Variants in TRAF3IP1 observed in about 807,000 individuals in gnomAD.
TRAF3IP1 encodes the protein intraflagellar transport 54.
A neutral mutation model predicts 89.9 loss-of-function variants in TRAF3IP1; 53 were observed. The ratio of observed to expected loss-of-function variants is 0.59; its 90% CI spans 0.47 to 0.74. The LOEUF is 0.74. Among genes scored for constraint, TRAF3IP1 ranks in the 30% least tolerant of loss-of-function variants. The probability of loss-of-function intolerance (pLI) is 0.00; values close to 1 mark genes in which losing one functional copy is unlikely to be tolerated. For missense variants in TRAF3IP1, 806 were observed against 866.1 expected (o/e 0.93, Z 0.87); for synonymous variants, 311 against 322.1 (o/e 0.97, Z 0.37).
rs572127910 is a variant in TRAF3IP1, at chr2:238,370,150, G to A, written c.1689+14070G>A. The stretch of plus-strand genomic sequence containing the variant: ...GTGAACAGAGCTAGAGGGGGAAAAT[G>A]TATGTGTCTGTGTTTGTTATATATG... On this transcript the variant is annotated intron_variant, in intron 15 of 16. Transcript: ENST00000373327. Among the ~76,000 whole-genome samples the A allele has an allele frequency of 9.9e-5, 15 of 152,236 alleles. No homozygotes were observed. The South Asian group carries it at 2.5e-3, about 25-fold the overall frequency.
intron 15 of TRAF3IP1, among the ~76,000 whole-genome samples, chr2:238,364,506 T>C (rs773838283): frequency 6.6e-6 from 1 of 152,054 alleles, no homozygotes; most frequent in Non-Finnish European, 1.5e-5. Flanking sequence ...GGTTTATATA[T>C]GAGGATGCTT....
intron 15 of TRAF3IP1, among the ~76,000 whole-genome samples, chr2:238,364,673 TTTTTC>T (rs1158253536): frequency 1.3e-5 from 2 of 152,162 alleles, no homozygotes; most frequent in African/African-American, 4.8e-5. Flanking sequence ...TTTTAGATGC[TTTTTC>T]TTTTCATTTA....
intron 12 of TRAF3IP1, 91 bp from the exon 13 acceptor site, chr2:238,352,736 A>AT: frequency 7.7e-7 from 1 of 1,294,432 alleles, no homozygotes; most frequent in Non-Finnish European, 1.1e-6. Context: ...TGGTGATTAG[A>AT]TTCCTCTCTG....
rs139162155 is a variant in TRAF3IP1, at chr2:238,334,708, C to T, written c.1063+673C>T. ...GGCAAGATGTAGTAGTGGGAATTTT[C>T]GCCTTAGAAAGGAGGCTTAGATGGT... On this transcript the variant is annotated intron_variant, in intron 7 of 16. Transcript: ENST00000373327. Among the ~76,000 whole-genome samples, 776 of 152,330 alleles carry T rather than the reference C, an allele frequency of 5.1e-3. 4 individuals are homozygous for T. The highest frequency in any genetic ancestry group is 0.014 in the Middle Eastern group (4 of 294).
At chr2:238,329,973 A>T (rs531756231) in intron 5 of TRAF3IP1, among the ~76,000 whole-genome samples, 23 of 152,206 alleles carry the variant, frequency 1.5e-4, no homozygotes, top group Non-Finnish European at 2.9e-4. Flanking sequence ...AGAGAAATCA[A>T]CGTTTTTCAG....
chr2:238,324,816 A>C (rs976545748), intron 1 of TRAF3IP1, among the ~76,000 whole-genome samples: 6 of 151,612 alleles, frequency 4.0e-5, no homozygotes, highest in East Asian at 2.0e-4. Flanking sequence ...GTTGGCCAGG[A>C]TGGTCTCGAT....
chr2:238,389,883 C>CA (rs1700924488), intron 15 of TRAF3IP1, among the ~76,000 whole-genome samples: 1 of 151,962 alleles, frequency 6.6e-6, no homozygotes, highest in African/African-American at 2.4e-5. Context: ...ATTTAAAAAT[C>CA]ACTAGAAGTG....
chr2:238,399,268 A>G lies in TRAF3IP1; in HGVS notation c.*349A>G. 6.0e-6 allele frequency: 1 copy of G among 167,498 alleles called. No individual in the cohort carries two copies. Among genetic ancestry groups the G allele is most frequent in the Admixed American group, 5.9e-5 (1 of 16,832 alleles). 10.4% of individuals were successfully genotyped at this position (167,498 alleles called of 1,614,324 possible). On this transcript the variant is annotated 3_prime_UTR_variant, in exon 17 of 17. Coordinates refer to ENST00000373327, the MANE Select transcript of TRAF3IP1 (RefSeq NM_015650.4). ...AGTGGTGTGGGCATACCAAGGGAACAGTAGTCCTTTATTTTGGTTTAGTGG... is the reference window on the plus strand; with the variant it reads ...AGTGGTGTGGGCATACCAAGGGAACGGTAGTCCTTTATTTTGGTTTAGTGG...
At chr2:238,389,119 A>G (rs1700894083) in intron 15 of TRAF3IP1, among the ~76,000 whole-genome samples, 1 of 152,290 alleles carries the variant, frequency 6.6e-6, no homozygotes, top group African/African-American at 2.4e-5. Flanking sequence ...GTGGCTGAGC[A>G]GTCACATCCA....
At chr2:238,347,367 T>A in intron 9 of TRAF3IP1, 88 bp from the exon 10 acceptor site, 1 of 1,376,740 alleles carries the variant, frequency 7.3e-7, no homozygotes, top group Non-Finnish European at 1.0e-6. Flanking sequence ...TTATGTACAG[T>A]GTGTTTTTTC....
At chr2:238,375,504 G>C (rs554897602) in intron 15 of TRAF3IP1, among the ~76,000 whole-genome samples, 2 of 152,104 alleles carry the variant, frequency 1.3e-5, no homozygotes, top group South Asian at 4.1e-4. Flanking sequence ...ACAGCTTGTC[G>C]TGATTTCTGT....
intron 5 of TRAF3IP1, among the ~76,000 whole-genome samples, chr2:238,329,752 G>A (rs1698028801): frequency 6.6e-6 from 1 of 152,176 alleles, no homozygotes; most frequent in Non-Finnish European, 1.5e-5. Context: ...TAAATATTTG[G>A]TGGTGGAATG....
intron 15 of TRAF3IP1, among the ~76,000 whole-genome samples, chr2:238,395,908 G>A (rs1701193612): frequency 6.6e-6 from 1 of 152,188 alleles, no homozygotes; most frequent in South Asian, 2.1e-4. Flanking sequence ...TGGAGAAATA[G>A]GAACACTTTT....
At chr2:238,327,282 G>T (rs113652575) in intron 3 of TRAF3IP1, among the ~76,000 whole-genome samples, 25 of 152,338 alleles carry the variant, frequency 1.6e-4, no homozygotes, top group African/African-American at 6.0e-4. Context: ...GCTTCCTTGA[G>T]CCTGGGCCTC....
chr2:238,390,786 A>T (rs1700963042), intron 15 of TRAF3IP1, among the ~76,000 whole-genome samples: 1 of 152,168 alleles, frequency 6.6e-6, no homozygotes. Flanking sequence ...GCTGAGGTAC[A>T]GAGAGGTCAT....
At chr2:238,349,430 A>G (rs775227009) in intron 12 of TRAF3IP1, 22 bp downstream of exon 12, 12 of 1,610,110 alleles carry the variant, frequency 7.5e-6, no homozygotes, top group Non-Finnish European at 6.8e-6. Flanking sequence ...TCAGCAGGGC[A>G]GTTCCAGCCA....
At chr2:238,330,746 TG>T (rs1158780849) in intron 5 of TRAF3IP1, among the ~76,000 whole-genome samples, 1 of 152,148 alleles carries the variant, frequency 6.6e-6, no homozygotes, top group Non-Finnish European at 1.5e-5. Flanking sequence ...CACAGTGGGA[TG>T]GGGGGTGCCT....
rs56304316 is a variant in TRAF3IP1, at chr2:238,344,625, C to A, written c.1261+27C>A. ...TAAGAATGGTCCAGTTTCGCCCTTT[C>A]CTGGCGAGAGCAGAGTGAGCCCTCC... On this transcript the variant is annotated intron_variant, in intron 9 of 16. Coordinates refer to ENST00000373327, the MANE Select transcript of TRAF3IP1 (RefSeq NM_015650.4). The A allele has an allele frequency of 0.077, 122,505 of 1,597,418 alleles. 5,340 individuals are homozygous for A. The highest frequency in any genetic ancestry group is 0.085 in the Non-Finnish European group (98,926 of 1,164,908).
intron 1 of TRAF3IP1, among the ~76,000 whole-genome samples, 170 bp from the exon 2 acceptor site, chr2:238,325,136 C>T (rs925261200): frequency 2.0e-5 from 3 of 152,210 alleles, no homozygotes; most frequent in Non-Finnish European, 4.4e-5. Context: ...ATCTGGCTGG[C>T]TTCTGCCCTG....
Sources: gnomAD v4.1 joint callset for allele counts (sites outside exome capture counted in the v4.1 genomes callset) on GRCh38, gnomAD v4.1.1 for gene constraint, MANE v1.5 for transcripts, NCBI Gene and HGNC (gene_info 2026-07-23, HGNC 2026-07-21) for gene names.